CAMK1D: variants seen among roughly 807,000 people sequenced by gnomAD.
The protein encoded by CAMK1D is calcium/calmodulin dependent protein kinase ID.
Under a neutral mutation model 47.7 loss-of-function variants are expected in CAMK1D, and 9 were observed. That is an observed-to-expected ratio of 0.19 (90% CI 0.11 to 0.33). The LOEUF (loss-of-function observed/expected upper bound fraction) is 0.33, where lower values mean the gene tolerates loss of function less well. Among genes scored for constraint, CAMK1D ranks in the 10% least tolerant of loss-of-function variants. The probability of loss-of-function intolerance (pLI) is 1.00; values close to 1 mark genes in which losing one functional copy is unlikely to be tolerated. For synonymous variants in CAMK1D, 184 were observed against 184.9 expected (o/e 0.99, Z 0.04); for missense variants, 291 against 488.7 (o/e 0.60, Z 3.81).
intron 1 of CAMK1D, among the ~76,000 whole-genome samples, chr10:12,441,706 G>T (rs868349975): frequency 6.6e-6 from 1 of 152,166 alleles, no homozygotes; most frequent in Middle Eastern, 3.4e-3. Flanking sequence ...AGCTACTCGG[G>T]AGGCCAAGGA....
intron 1 of CAMK1D, among the ~76,000 whole-genome samples, chr10:12,377,264 A>T (rs995170322): frequency 1.1e-4 from 16 of 152,318 alleles, no homozygotes; most frequent in African/African-American, 2.4e-4. Context: ...TGAAACTTTT[A>T]AAAAAAGTGT....
In CAMK1D at chr10:12,615,594, T is replaced by G. The variant is rs537271928; in HGVS notation, c.225-51142T>G. Among the ~76,000 whole-genome samples the G allele has an allele frequency of 6.0e-5, 9 of 151,186 alleles. 1 individual carries two copies. The highest frequency in any genetic ancestry group is 1.9e-4 in the East Asian group (1 of 5,138). ...GTGTGTGCGTGTGTGTAGGTGTGTA[T>G]TGTGTTTGCAAGTATGTATACGTAT... On this transcript the variant is annotated intron_variant, in intron 2 of 10. Transcript: ENST00000619168.
At chr10:12,763,970 G>C (rs1296381519) in intron 4 of CAMK1D, among the ~76,000 whole-genome samples, 5 of 152,190 alleles carry the variant, frequency 3.3e-5, no homozygotes, top group Admixed American at 3.3e-4. Flanking sequence ...CAGCCCTCCT[G>C]TTGGGATCGG....
At chr10:12,523,932 G>T (rs976105146) in intron 1 of CAMK1D, among the ~76,000 whole-genome samples, 1 of 151,608 alleles carries the variant, frequency 6.6e-6, no homozygotes, top group South Asian at 2.1e-4. Flanking sequence ...ATGGAGTCTC[G>T]CTCTGTTGCC....
At chr10:12,724,845 A>C (rs1164265878) in intron 3 of CAMK1D, among the ~76,000 whole-genome samples, 1 of 151,304 alleles carries the variant, frequency 6.6e-6, no homozygotes, top group Non-Finnish European at 1.5e-5. Context: ...ACACTGCTGC[A>C]CTCCAGCCTG....
intron 6 of CAMK1D, among the ~76,000 whole-genome samples, chr10:12,810,764 G>A (rs1366745722): frequency 6.6e-6 from 1 of 152,214 alleles, no homozygotes; most frequent in Non-Finnish European, 1.5e-5. Flanking sequence ...TTTAGTGCAT[G>A]AGCAAAATAG....
chr10:12,477,541 C>T (rs891694101), intron 1 of CAMK1D, among the ~76,000 whole-genome samples: 5 of 152,186 alleles, frequency 3.3e-5, no homozygotes, highest in African/African-American at 1.2e-4. Flanking sequence ...CTACTCTCTT[C>T]ATAGGCACCA....
intron 1 of CAMK1D, among the ~76,000 whole-genome samples, chr10:12,522,196 T>C (rs2895513): frequency 2.5e-5 from 1 of 40,784 alleles, no homozygotes; most frequent in Non-Finnish European, 5.9e-5. Context: ...ATTTCCTTTT[T>C]TTTTCTTTTT....
At chr10:12,685,587 C>A (rs45491993) in intron 3 of CAMK1D, among the ~76,000 whole-genome samples, 4 of 152,108 alleles carry the variant, frequency 2.6e-5, no homozygotes, top group Admixed American at 2.0e-4. Flanking sequence ...TATAAAGAGC[C>A]TGGGCTGTTC....
intron 1 of CAMK1D, among the ~76,000 whole-genome samples, chr10:12,418,319 A>G (rs1224334990): frequency 6.6e-6 from 1 of 152,200 alleles, no homozygotes; most frequent in African/African-American, 2.4e-5. Context: ...TTAGAGATGG[A>G]GATGGGCTGG....
At chr10:12,684,005 G>A (rs1029556788) in intron 3 of CAMK1D, among the ~76,000 whole-genome samples, 15 of 151,990 alleles carry the variant, frequency 9.9e-5, no homozygotes, top group East Asian at 1.9e-4. Context: ...ATTTAATGTC[G>A]TTAAAACATA....
chr10:12,359,491 C>T (rs942663709), intron 1 of CAMK1D, among the ~76,000 whole-genome samples: 4 of 151,724 alleles, frequency 2.6e-5, no homozygotes, highest in Non-Finnish European at 4.4e-5. Context: ...GCTGTGTGTC[C>T]CAGGCTCAGC....
chr10:12,608,951 C>T (rs1023025196), intron 2 of CAMK1D, among the ~76,000 whole-genome samples: 1 of 152,198 alleles, frequency 6.6e-6, no homozygotes, highest in Non-Finnish European at 1.5e-5. Context: ...ATTGAAAGCT[C>T]TTGGAATGGT....
intron 1 of CAMK1D, among the ~76,000 whole-genome samples, chr10:12,488,837 G>A (rs189250652): frequency 5.9e-5 from 9 of 152,302 alleles, no homozygotes; most frequent in South Asian, 2.1e-4. Flanking sequence ...TGACGGAGGC[G>A]GAGCTCAGGC....
chr10:12,532,978 G>A (rs918351940), intron 1 of CAMK1D, among the ~76,000 whole-genome samples: 1 of 150,262 alleles, frequency 6.7e-6, no homozygotes, highest in African/African-American at 2.5e-5. Context: ...TAGGAAGTGG[G>A]GATGGTTAAT....
chr10:12,821,540 G>A (rs187987925), intron 8 of CAMK1D, among the ~76,000 whole-genome samples: 47 of 152,298 alleles, frequency 3.1e-4, no homozygotes, highest in African/African-American at 1.0e-3. Context: ...GAGCCAGGAA[G>A]GTAGAAGAGA....
intron 2 of CAMK1D, among the ~76,000 whole-genome samples, chr10:12,572,046 C>CCT (rs1554790477): frequency 6.7e-6 from 1 of 149,508 alleles, no homozygotes; most frequent in African/African-American, 2.5e-5. Context: ...TAAACCCCCC[C>CCT]CCAAAAAAAA....
intron 2 of CAMK1D, among the ~76,000 whole-genome samples, chr10:12,595,342 GAAAAA>G (rs535214333): frequency 0.01 from 247 of 23,552 alleles, 8 homozygotes; most frequent in Admixed American, 0.02. Context: ...AACTCCATCT[GAAAAA>G]AAAAAAAAAA....
rs80200069 is a variant in CAMK1D, at chr10:12,569,571, T to A, written c.224+16215T>A. Among the ~76,000 whole-genome samples, 62 of 146,614 alleles carry A rather than the reference T, an allele frequency of 4.2e-4. 1 individual carries two copies. In the East Asian group the frequency reaches 0.01, roughly 24 times the overall value. On this transcript the variant is annotated intron_variant, in intron 2 of 10. Transcript: ENST00000619168. Reference sequence around the variant, plus strand: ...TAAAAATACAAAAAAAAAAAAAAATTAGCCGGGCTTGGTGGCGGGCGCCTG... The same window carrying A: ...TAAAAATACAAAAAAAAAAAAAAATAAGCCGGGCTTGGTGGCGGGCGCCTG...
Sources: allele counts gnomAD v4.1 joint callset (sites outside exome capture counted in the v4.1 genomes callset), GRCh38; gene constraint gnomAD v4.1.1; transcripts MANE v1.5; gene names NCBI Gene and HGNC (gene_info 2026-07-23, HGNC 2026-07-21).